Variants in PDE1A observed in about 807,000 individuals in gnomAD.
PDE1A encodes the protein phosphodiesterase 1A.
In PDE1A, 35 loss-of-function variants were observed where a neutral mutation model predicts 61.7. The observed-to-expected ratio is 0.57, with a 90% CI of 0.43 to 0.75. The LOEUF (loss-of-function observed/expected upper bound fraction) is 0.75. PDE1A is among the 30% of genes least tolerant of loss of function. The probability of loss-of-function intolerance (pLI) is 0.00; values close to 1 mark genes in which losing one functional copy is unlikely to be tolerated. For missense variants in PDE1A, 597 were observed against 630.6 expected (o/e 0.95, Z 0.57); for synonymous variants, 232 against 213.2 (o/e 1.09, Z -0.77).
downstream of PDE1A, among the ~76,000 whole-genome samples, chr2:182,166,995 T>A (rs1691684272): frequency 6.6e-6 from 1 of 152,124 alleles, no homozygotes; most frequent in African/African-American, 2.4e-5. Context: ...TAAACTGAAT[T>A]ATGTAGAAAA....
intron 2 of PDE1A, among the ~76,000 whole-genome samples, chr2:182,454,864 AC>A (rs1033311611): frequency 6.9e-6 from 1 of 145,902 alleles, no homozygotes; most frequent in Non-Finnish European, 1.5e-5. Context: ...ATGGGCAAGG[AC>A]TTCACAAAAG....
intron 2 of PDE1A, among the ~76,000 whole-genome samples, chr2:182,241,498 G>A (rs943743640): frequency 9.2e-5 from 14 of 152,092 alleles, no homozygotes; most frequent in African/African-American, 3.1e-4. Flanking sequence ...ACAAAACAAA[G>A]GACAAAAAAC....
At chr2:182,504,366 G>T (rs1414390037) in intron 2 of PDE1A, among the ~76,000 whole-genome samples, 1 of 152,170 alleles carries the variant, frequency 6.6e-6, no homozygotes, top group Non-Finnish European at 1.5e-5. Flanking sequence ...TACAGAAAGT[G>T]TGTATTATGC....
In PDE1A at chr2:182,292,416, A is replaced by C. The variant is rs1250142785; in HGVS notation, c.54-28002T>G. ...CCATTTTTCATGTTTTCATATTTTAAATAATTTTTAATTAAAATAACACTT... is the reference window on the plus strand; with the variant it reads ...CCATTTTTCATGTTTTCATATTTTACATAATTTTTAATTAAAATAACACTT... On this transcript the variant is annotated intron_variant, in intron 1 of 13. Coordinates refer to ENST00000351439, the Ensembl canonical transcript of PDE1A. 3.3e-5 allele frequency among the ~76,000 whole-genome samples: 5 copies of C among 151,958 alleles called. No individual in the cohort carries two copies. The East Asian group carries it at 9.6e-4, about 29-fold the overall frequency.
chr2:182,234,900 A>C (rs745829904), intron 3 of PDE1A, among the ~76,000 whole-genome samples: 3 of 152,216 alleles, frequency 2.0e-5, no homozygotes, highest in Non-Finnish European at 4.4e-5. Flanking sequence ...AAATGTCATT[A>C]AAATATTTCC....
intron 1 of PDE1A, among the ~76,000 whole-genome samples, chr2:182,309,465 T>TAAAAC (rs1018981792): frequency 1.3e-5 from 2 of 151,806 alleles, no homozygotes; most frequent in Non-Finnish European, 2.9e-5. Context: ...AAAAATAAAA[T>TAAAAC]AAAACAAAAC....
chr2:182,164,908 T>C (rs1691574958), downstream of PDE1A, among the ~76,000 whole-genome samples: 1 of 152,062 alleles, frequency 6.6e-6, no homozygotes, highest in African/African-American at 2.4e-5. Context: ...ACTTATTCAC[T>C]GCCATCCTAT....
chr2:182,329,891 G>A (rs570191672), intron 1 of PDE1A, among the ~76,000 whole-genome samples: 17 of 152,136 alleles, frequency 1.1e-4, no homozygotes, highest in Admixed American at 1.1e-3. Context: ...AAAGCGGGTT[G>A]TTTTCTGTTT....
chr2:182,440,423 G>C (rs1182909877), intron 2 of PDE1A, among the ~76,000 whole-genome samples: 1 of 152,018 alleles, frequency 6.6e-6, no homozygotes, highest in Non-Finnish European at 1.5e-5. Context: ...CCAATGGGAT[G>C]CTACTTAGTT....
chr2:182,226,266 T>G (rs1689134855), intron 6 of PDE1A, among the ~76,000 whole-genome samples: 1 of 149,950 alleles, frequency 6.7e-6, no homozygotes. Context: ...TAATTAGTGA[T>G]TGACTCATAA....
chr2:182,437,160 T>C (rs1220261063), intron 2 of PDE1A, among the ~76,000 whole-genome samples: 1 of 151,896 alleles, frequency 6.6e-6, no homozygotes, highest in South Asian at 2.1e-4. Flanking sequence ...ATAATCTTCA[T>C]TGAACAAAAG....
intron 1 of PDE1A, among the ~76,000 whole-genome samples, chr2:182,415,451 A>C (rs1259614274): frequency 1.3e-5 from 2 of 152,150 alleles, no homozygotes; most frequent in Admixed American, 1.3e-4. Context: ...ATTATATTTT[A>C]ATCATTTCTA....
the PDE1A span, among the ~76,000 whole-genome samples, chr2:182,647,580 C>T: frequency 6.6e-6 from 1 of 152,318 alleles, no homozygotes; most frequent in Non-Finnish European, 1.5e-5. Context: ...TCAGCAGCTT[C>T]TGCAGGGATA....
At chr2:182,362,263 A>C (rs1699554485) in intron 1 of PDE1A, among the ~76,000 whole-genome samples, 1 of 152,028 alleles carries the variant, frequency 6.6e-6, no homozygotes, top group Admixed American at 6.6e-5. Flanking sequence ...GATGTCCCCC[A>C]GGCCTTTTTG....
At chr2:182,367,102 AAT>A (rs1026091855) in intron 1 of PDE1A, among the ~76,000 whole-genome samples, 1 of 152,072 alleles carries the variant, frequency 6.6e-6, no homozygotes, top group African/African-American at 2.4e-5. Context: ...TTTAGTCAAA[AAT>A]ATTAAATGGT....
At chr2:182,614,682 C>T in the PDE1A span, among the ~76,000 whole-genome samples, 65 of 151,928 alleles carry the variant, frequency 4.3e-4, no homozygotes, top group Middle Eastern at 3.4e-3. Context: ...CTCAGCCTCC[C>T]GAGTAGCTGA....
the PDE1A span, among the ~76,000 whole-genome samples, chr2:182,548,013 T>C: frequency 1.7e-4 from 26 of 152,138 alleles, no homozygotes. Context: ...AAAATCACAA[T>C]TTTTCCTGGG....
chr2:182,646,024 C>A, the PDE1A span, among the ~76,000 whole-genome samples: 1 of 151,762 alleles, frequency 6.6e-6, no homozygotes, highest in South Asian at 2.1e-4. Flanking sequence ...CAATAGGCTA[C>A]ATGGGGATAT....
chr2:182,527,324 AAAAATATATATATATAT>A (rs1559543405), upstream of PDE1A, among the ~76,000 whole-genome samples: 37 of 37,174 alleles, frequency 1.0e-3, 2 homozygotes, highest in South Asian at 6.0e-3. Flanking sequence ...AAAAAAAAAA[AAAAATATATATATATAT>A]ATATATATAT....
Sources: allele counts gnomAD v4.1 joint callset (sites outside exome capture counted in the v4.1 genomes callset), GRCh38; gene constraint gnomAD v4.1.1; transcripts MANE v1.5; gene names NCBI Gene and HGNC (gene_info 2026-07-23, HGNC 2026-07-21).